Variants in TENM2 observed in about 807,000 individuals in gnomAD.
TENM2 encodes teneurin transmembrane protein 2, also known as teneurin-2.
In TENM2, 52 loss-of-function variants were observed where a neutral mutation model predicts 245.2. The ratio of observed to expected loss-of-function variants is 0.21; its 90% CI spans 0.17 to 0.27. The LOEUF (loss-of-function observed/expected upper bound fraction) is 0.27, where lower values mean the gene tolerates loss of function less well. TENM2 is among the 10% of genes least tolerant of loss of function. The probability of loss-of-function intolerance (pLI) is 1.00; values close to 1 mark genes in which losing one functional copy is unlikely to be tolerated. For synonymous variants in TENM2, 1,363 were observed against 1,438.9 expected (o/e 0.95, Z 1.19); for missense variants, 3,046 against 3,666.8 (o/e 0.83, Z 4.37).
chr5:168,172,004 C>T (rs889616781), intron 13 of TENM2, among the ~76,000 whole-genome samples: 1 of 152,236 alleles, frequency 6.6e-6, no homozygotes, highest in South Asian at 2.1e-4. Flanking sequence ...AGCTCTCTTG[C>T]TCCCACAGTC....
chr5:167,595,231 G>T (rs1479950197), intron 2 of TENM2, among the ~76,000 whole-genome samples: 1 of 152,128 alleles, frequency 6.6e-6, no homozygotes, highest in African/African-American at 2.4e-5. Flanking sequence ...CAGAAGAAAT[G>T]TCAGTAAAAT....
intron 2 of TENM2, among the ~76,000 whole-genome samples, chr5:167,508,897 G>A (rs1048798918): frequency 6.6e-6 from 1 of 152,076 alleles, no homozygotes; most frequent in Admixed American, 6.6e-5. Flanking sequence ...ACAGCTCACT[G>A]CAACCTCTGC....
chr5:167,982,409 G>A (rs1782911782), intron 4 of TENM2, among the ~76,000 whole-genome samples: 1 of 152,116 alleles, frequency 6.6e-6, no homozygotes, highest in African/African-American at 2.4e-5. Flanking sequence ...TACTGGCTGG[G>A]CAGTGATTTC....
In TENM2 at chr5:167,406,453, G is replaced by A. The variant is rs185001025; in HGVS notation, c.502+30980G>A. Among the ~76,000 whole-genome samples, 1,201 of 152,222 alleles carry A rather than the reference G, an allele frequency of 7.9e-3. 7 individuals carry two copies. Among genetic ancestry groups the A allele is most frequent in the Middle Eastern group, 0.041 (12 of 294 alleles). ...AGTAGAGTAGATTGAGTATTTCGGG[G>A]CCTGGTCAAATCCTTGAAATATAAA... On this transcript the variant is annotated intron_variant, in intron 2 of 28. Transcript: ENST00000518659.
At chr5:167,293,870 A>G (rs1305564993) in intron 1 of TENM2, among the ~76,000 whole-genome samples, 1 of 152,132 alleles carries the variant, frequency 6.6e-6, no homozygotes, top group Non-Finnish European at 1.5e-5. Context: ...GAAAAAATAG[A>G]GAAGAGATTA....
At chr5:167,134,599 G>A in the TENM2 span, among the ~76,000 whole-genome samples, 5 of 152,246 alleles carry the variant, frequency 3.3e-5, no homozygotes, top group African/African-American at 1.2e-4. Flanking sequence ...GGAATTAGAC[G>A]CTGAGCCTGG....
intron 27 of TENM2, among the ~76,000 whole-genome samples, chr5:168,257,636 T>A (rs1767792145): frequency 8.7e-6 from 1 of 114,434 alleles, no homozygotes; most frequent in Admixed American, 9.9e-5. Flanking sequence ...TTTTTTTTTG[T>A]GACGGAGTCT....
chr5:167,857,811 C>T (rs1309239244), intron 2 of TENM2, among the ~76,000 whole-genome samples: 1 of 152,054 alleles, frequency 6.6e-6, no homozygotes, highest in East Asian at 1.9e-4. Flanking sequence ...TTTCTTCATC[C>T]TTATTTGAAT....
intron 7 of TENM2, among the ~76,000 whole-genome samples, chr5:168,071,987 T>TGC (rs1791047399): frequency 6.6e-6 from 1 of 152,190 alleles, no homozygotes; most frequent in East Asian, 1.9e-4. Flanking sequence ...AGCTGCGCAG[T>TGC]GCCTGTGTTT....
chr5:167,986,155 A>G (rs879752720), intron 4 of TENM2, among the ~76,000 whole-genome samples: 1 of 152,222 alleles, frequency 6.6e-6, no homozygotes, highest in Non-Finnish European at 1.5e-5. Context: ...TGGTTAACCA[A>G]GATTCTGCCT....
intron 2 of TENM2, among the ~76,000 whole-genome samples, chr5:167,534,805 G>A (rs1305466665): frequency 2.0e-5 from 3 of 152,120 alleles, no homozygotes; most frequent in Non-Finnish European, 2.9e-5. Flanking sequence ...GTCTGTCAAC[G>A]TGGATTTCCA....
At chr5:167,352,671 T>C (rs972132208) in intron 1 of TENM2, among the ~76,000 whole-genome samples, 14 of 152,182 alleles carry the variant, frequency 9.2e-5, no homozygotes, top group African/African-American at 3.1e-4. Flanking sequence ...ACAATACATA[T>C]GAGAAAAGAG....
chr5:167,979,619 A>T (rs6879391), intron 4 of TENM2, among the ~76,000 whole-genome samples: 6,958 of 152,246 alleles, frequency 0.046, 518 homozygotes, highest in African/African-American at 0.15. Flanking sequence ...TTAATCAAAA[A>T]TGCATTATCC....
chr5:167,490,953 T>C (rs1446042967), intron 2 of TENM2, among the ~76,000 whole-genome samples: 1 of 152,152 alleles, frequency 6.6e-6, no homozygotes, highest in Non-Finnish European at 1.5e-5. Flanking sequence ...TTGACTTCAT[T>C]TATCAGAATC....
intron 2 of TENM2, among the ~76,000 whole-genome samples, chr5:167,608,548 A>G (rs1777220181): frequency 6.6e-6 from 1 of 152,208 alleles, no homozygotes; most frequent in African/African-American, 2.4e-5. Flanking sequence ...TTCACATTAA[A>G]TCGGGGGGCA....
At chr5:167,817,939 G>A (rs904435158) in intron 2 of TENM2, among the ~76,000 whole-genome samples, 23 of 152,138 alleles carry the variant, frequency 1.5e-4, no homozygotes, top group African/African-American at 5.1e-4. Flanking sequence ...CATTAGATTG[G>A]AAGTTCTCAG....
chr5:167,490,254 GT>G lies in TENM2; in HGVS notation c.502+114788del, dbSNP rs915191292. On this transcript the variant is annotated intron_variant, in intron 2 of 28. Coordinates refer to ENST00000518659, the Ensembl canonical transcript of TENM2. Reference sequence around the variant, plus strand: ...TTGATCCACACAATGCATATAATAAGTTTTTTTAAATAAACTTTTTATTTCA... The same window carrying G: ...TTGATCCACACAATGCATATAATAAGTTTTTTAAATAAACTTTTTATTTCA... Among the ~76,000 whole-genome samples the G allele has an allele frequency of 3.3e-5, 5 of 152,044 alleles. No individual in the cohort carries two copies. The East Asian group carries it at 9.7e-4, about 29-fold the overall frequency.
intron 2 of TENM2, among the ~76,000 whole-genome samples, chr5:167,517,493 G>A (rs1562020346): frequency 6.6e-6 from 1 of 152,044 alleles, no homozygotes; most frequent in Admixed American, 6.6e-5. Context: ...ATGAAGAAAC[G>A]TCTCCTAGTG....
At chr5:168,175,448 G>A (rs991932420) in intron 13 of TENM2, among the ~76,000 whole-genome samples, 6 of 152,208 alleles carry the variant, frequency 3.9e-5, no homozygotes, top group African/African-American at 7.2e-5. Flanking sequence ...GTCATGAACC[G>A]GTGACCCCCA....
Sources: allele counts gnomAD v4.1 joint callset (sites outside exome capture counted in the v4.1 genomes callset), GRCh38; gene constraint gnomAD v4.1.1; transcripts MANE v1.5; gene names NCBI Gene and HGNC (gene_info 2026-07-23, HGNC 2026-07-21).